The following KAZN variants were observed in gnomAD, a reference collection of about 807,000 sequenced individuals.
KAZN encodes the protein kazrin.
KAZN carries 40 observed loss-of-function variants against 87.4 expected under a neutral mutation model. The ratio of observed to expected loss-of-function variants is 0.46; its 90% CI spans 0.36 to 0.60. The LOEUF (loss-of-function observed/expected upper bound fraction) is 0.60, where lower values mean the gene tolerates loss of function less well. Among genes scored for constraint, KAZN ranks in the 20% least tolerant of loss-of-function variants. The pLI, the probability that KAZN is intolerant of heterozygous loss-of-function variation, is 0.00. For synonymous variants in KAZN, 466 were observed against 458.3 expected, an observed-to-expected ratio of 1.02 and a Z score of -0.22; for missense variants, 898 against 1,073.9, an observed-to-expected ratio of 0.84 and a Z score of 2.29.
intron 2 of KAZN, among the ~76,000 whole-genome samples, chr1:14,338,158 C>T (rs1657407310): frequency 6.6e-6 from 1 of 151,928 alleles, no homozygotes; most frequent in African/African-American, 2.4e-5. Context: ...TTAGGAATGA[C>T]ATTGACCCCC....
chr1:14,108,716 G>A (rs980026136), intron 1 of KAZN, among the ~76,000 whole-genome samples: 9 of 152,236 alleles, frequency 5.9e-5, no homozygotes, highest in East Asian at 1.9e-4. Flanking sequence ...GCTGGGAACC[G>A]TGTGGACTTG....
chr1:15,057,531 G>C (rs1638401066), intron 5 of KAZN, among the ~76,000 whole-genome samples: 1 of 152,210 alleles, frequency 6.6e-6, no homozygotes, highest in Non-Finnish European at 1.5e-5. Flanking sequence ...AGCAAATTCA[G>C]AGTCTTCCCT....
chr1:14,573,898 C>A (rs901928027), intron 2 of KAZN, among the ~76,000 whole-genome samples: 13 of 151,982 alleles, frequency 8.6e-5, no homozygotes, highest in Admixed American at 7.9e-4. Context: ...AAAAAAAAGT[C>A]TTAATTAAGA....
chr1:14,922,647 C>G (rs763194654), intron 1 of KAZN, among the ~76,000 whole-genome samples: 12 of 152,034 alleles, frequency 7.9e-5, no homozygotes, highest in Non-Finnish European at 1.3e-4. Flanking sequence ...CAAAAATTAG[C>G]CGGGCATGGT....
At chr1:14,827,727 G>C (rs781348279) in intron 1 of KAZN, among the ~76,000 whole-genome samples, 8 of 152,200 alleles carry the variant, frequency 5.3e-5, no homozygotes, top group Non-Finnish European at 1.0e-4. Context: ...CTGCCAGCAA[G>C]CTTCAATTTT....
chr1:14,824,414 A>C (rs530188076), intron 1 of KAZN, among the ~76,000 whole-genome samples: 1 of 152,344 alleles, frequency 6.6e-6, no homozygotes, highest in South Asian at 2.1e-4. Flanking sequence ...TATTTAAGAA[A>C]TGATAACCAA....
chr1:13,902,075 G>T (rs1197033674), intron 1 of KAZN, among the ~76,000 whole-genome samples: 1 of 152,234 alleles, frequency 6.6e-6, no homozygotes, highest in Non-Finnish European at 1.5e-5. Flanking sequence ...GGCAGCCCCG[G>T]GGTGGTCAGC....
rs1371868214 is a variant in KAZN at position 15,116,786 on chromosome 1, A to G, written c.*2151A>G. ...ATGCAGAGCTGATGATTTGAAACCA[A>G]CGTTCACCCAACTTGTCAGAAATGG... is the stretch of plus-strand genomic sequence containing the variant. On this transcript the variant is annotated 3_prime_UTR_variant, in exon 15 of 15. Coordinates refer to ENST00000376030, the MANE Select transcript of KAZN (RefSeq NM_201628.3). 1.3e-5 allele frequency: 2 copies of G among 152,194 alleles called. No homozygotes were observed. 9.4% of individuals were successfully genotyped at this position (152,194 alleles called of 1,614,324 possible).
At chr1:15,110,105 G>T (rs951238216) in intron 13 of KAZN, among the ~76,000 whole-genome samples, 1 of 140,452 alleles carries the variant, frequency 7.1e-6, no homozygotes. Context: ...GTGTATGTGC[G>T]TATTTGTGTG....
At chr1:13,917,484 C>T (rs1639895986) in intron 1 of KAZN, among the ~76,000 whole-genome samples, 1 of 152,074 alleles carries the variant, frequency 6.6e-6, no homozygotes, top group South Asian at 2.1e-4. Context: ...TTTTGAAAAT[C>T]TTAGGGCCCT....
intron 1 of KAZN, among the ~76,000 whole-genome samples, chr1:14,848,103 G>A (rs760304261): frequency 1.3e-5 from 2 of 152,170 alleles, no homozygotes; most frequent in Non-Finnish European, 2.9e-5. Flanking sequence ...GCAAGGGAGC[G>A]GCTCCCCACC....
At chr1:14,144,172 A>G (rs1645298092) in intron 1 of KAZN, among the ~76,000 whole-genome samples, 1 of 152,144 alleles carries the variant, frequency 6.6e-6, no homozygotes, top group Non-Finnish European at 1.5e-5. Flanking sequence ...CTCAACTCGG[A>G]TAAGCAGTTC....
intron 2 of KAZN, among the ~76,000 whole-genome samples, chr1:14,262,542 C>G (rs1312786430): frequency 6.6e-6 from 1 of 152,228 alleles, no homozygotes; most frequent in African/African-American, 2.4e-5. Context: ...TGTTTTAGCT[C>G]TCACATTCCA....
At chr1:14,251,821 G>A (rs1262925443) in intron 2 of KAZN, among the ~76,000 whole-genome samples, 1 of 151,610 alleles carries the variant, frequency 6.6e-6, no homozygotes, top group East Asian at 2.0e-4. Flanking sequence ...GCTAATTTTT[G>A]TATTTTTTGT....
chr1:14,644,975 T>C (rs907048554), intron 1 of KAZN, among the ~76,000 whole-genome samples: 1 of 152,204 alleles, frequency 6.6e-6, no homozygotes, highest in African/African-American at 2.4e-5. Flanking sequence ...AGTTAATTTG[T>C]GTATATGGTG....
At chr1:14,643,470 CTCTA>C (rs766411287) in intron 1 of KAZN, among the ~76,000 whole-genome samples, 51 of 152,272 alleles carry the variant, frequency 3.3e-4, no homozygotes, top group Non-Finnish European at 6.2e-4. Context: ...TGGCCTCCAG[CTCTA>C]TCTATGTTCC....
rs72869070 is a variant in KAZN, at chr1:14,379,742, T to C, written c.249+199150T>C. On this transcript the variant is annotated intron_variant, in intron 2 of 16. Transcript: ENST00000636203. ...AGCCACAGTACAATAGAACACCAGG[T>C]AGATTTCTAAGATTTTGACTCTAAT... 2.3e-3 allele frequency among the ~76,000 whole-genome samples: 355 copies of C among 152,276 alleles called. 2 individuals are homozygous for C. The highest frequency in any genetic ancestry group is 8.2e-3 in the African/African-American group (340 of 41,536).
intron 1 of KAZN, among the ~76,000 whole-genome samples, chr1:14,917,730 T>C (rs1657961504): frequency 6.6e-6 from 1 of 152,134 alleles, no homozygotes; most frequent in South Asian, 2.1e-4. Context: ...AGAGACTGTG[T>C]CCCCAACTCA....
intron 1 of KAZN, among the ~76,000 whole-genome samples, chr1:14,898,091 G>A (rs1180392162): frequency 6.6e-6 from 1 of 152,164 alleles, no homozygotes; most frequent in Non-Finnish European, 1.5e-5. Context: ...GGTACCCGGG[G>A]GTGAGAAAGG....
Sources: allele counts gnomAD v4.1 joint callset (sites outside exome capture counted in the v4.1 genomes callset), GRCh38; gene constraint gnomAD v4.1.1; transcripts MANE v1.5; gene names NCBI Gene and HGNC (gene_info 2026-07-23, HGNC 2026-07-21).